The following XCR1 variants were observed in gnomAD, a reference collection of about 807,000 sequenced individuals.
XCR1 encodes X-C motif chemokine receptor 1.
For missense variants in XCR1, 356 were observed against 424.2 expected, an observed-to-expected ratio of 0.84 and a Z score of 1.41; for synonymous variants, 187 against 188.5, an observed-to-expected ratio of 0.99 and a Z score of 0.06.
intron 1 of XCR1, among the ~76,000 whole-genome samples, chr3:46,082,408 TAC>T (rs34278810): frequency 0.012 from 1,813 of 146,016 alleles, 18 homozygotes; most frequent in African/African-American, 0.018. Flanking sequence ...TATACATGCA[TAC>T]ACACACACAC....
intron 5 of XCR1, among the ~76,000 whole-genome samples, chr3:46,037,010 G>T (rs1697442420): frequency 6.6e-6 from 1 of 152,148 alleles, no homozygotes; most frequent in Admixed American, 6.5e-5. Context: ...CTTATTGGAT[G>T]CCTGAGTCAT....
rs1022618564 is a variant in XCR1 at position 46,038,298 on chromosome 3, A to C, written c.-32+15622T>G. Among the ~76,000 whole-genome samples, 5 of 152,236 alleles carry C rather than the reference A, an allele frequency of 3.3e-5. No homozygotes were observed. The South Asian group carries it at 1.0e-3, about 32-fold the overall frequency. On this transcript the variant is annotated intron_variant, in intron 5 of 5. Transcript: ENST00000683768. ...CTCCCAAAGTGCTGGGATTACAGGC[A>C]TGAACCACCGTGCCTGGCCGTGTGT...
In XCR1 at chr3:46,023,552, C is replaced by G. The variant is rs1708213991; in HGVS notation, c.-31-1574G>C. 3.3e-6 allele frequency: 5 copies of G among 1,518,890 alleles called. No individual in the cohort carries two copies. In the African/African-American group the frequency reaches 5.5e-5, roughly 17 times the overall value. The allele number at this position is 1,518,890 out of a possible 1,614,324, so 94.1% of individuals were successfully genotyped here. A position where few individuals can be genotyped will look rare whatever the true frequency, so the allele number is the denominator to read the frequency against. ...GCCCAGCGTGAGGAAAGATTGAAAG[C>G]CTAGCAGAACACAGACAAGGATGTA... On this transcript the variant is annotated intron_variant, in intron 1 of 1. Transcript: ENST00000309285.
intron 5 of XCR1, among the ~76,000 whole-genome samples, chr3:46,037,929 T>A (rs1202564416): frequency 6.6e-6 from 1 of 152,146 alleles, no homozygotes; most frequent in Non-Finnish European, 1.5e-5. Context: ...CCTAGATGAA[T>A]TTCTTAATTT....
chr3:46,084,958 A>AT (rs148155180), intron 1 of XCR1, among the ~76,000 whole-genome samples: 4,736 of 151,322 alleles, frequency 0.031, 252 homozygotes, highest in African/African-American at 0.11. Flanking sequence ...TAAAAGTTGG[A>AT]TTTTTTTTTT....
intron 1 of XCR1, among the ~76,000 whole-genome samples, chr3:46,079,206 C>T (rs2125904314): frequency 6.6e-6 from 1 of 152,260 alleles, no homozygotes; most frequent in East Asian, 1.9e-4. Context: ...GTTTTATGTA[C>T]AACACTTATG....
At chr3:46,039,591 G>A (rs1413545093) in intron 5 of XCR1, among the ~76,000 whole-genome samples, 1 of 152,154 alleles carries the variant, frequency 6.6e-6, no homozygotes, top group Admixed American at 6.5e-5. Context: ...TGACTCCTGA[G>A]TCTGAAAAAG....
At chr3:46,074,761 G>A (rs561470535) in intron 2 of XCR1, among the ~76,000 whole-genome samples, 490 of 152,240 alleles carry the variant, frequency 3.2e-3, no homozygotes, top group Middle Eastern at 0.01. Flanking sequence ...ACTGTTTCAG[G>A]GGTGGCAAAG....
intron 5 of XCR1, among the ~76,000 whole-genome samples, chr3:46,041,935 A>G (rs751601897): frequency 1.3e-5 from 2 of 152,138 alleles, no homozygotes; most frequent in African/African-American, 4.8e-5. Flanking sequence ...TGGATTTGAG[A>G]CTGAGCTCCC....
At chr3:46,050,464 T>C (rs895390584) in intron 5 of XCR1, among the ~76,000 whole-genome samples, 7 of 152,222 alleles carry the variant, frequency 4.6e-5, no homozygotes, top group African/African-American at 1.7e-4. Flanking sequence ...GTTTGCACTT[T>C]CTCTGGAGCA....
intron 5 of XCR1, among the ~76,000 whole-genome samples, chr3:46,052,500 C>T (rs553340573): frequency 1.2e-4 from 19 of 152,308 alleles, no homozygotes; most frequent in African/African-American, 4.1e-4. Flanking sequence ...TTGTAAGATC[C>T]TTTCTGTCCT....
At chr3:46,037,975 C>A (rs1395705153) in intron 5 of XCR1, among the ~76,000 whole-genome samples, 2 of 151,222 alleles carry the variant, frequency 1.3e-5, no homozygotes, top group Non-Finnish European at 2.9e-5. Context: ...GACTTGAAGA[C>A]GTTAATCTGT....
At chr3:46,063,514 A>G (rs1185968906) in intron 4 of XCR1, among the ~76,000 whole-genome samples, 3 of 152,212 alleles carry the variant, frequency 2.0e-5, no homozygotes, top group Non-Finnish European at 2.9e-5. Flanking sequence ...ACTGTCGCCA[A>G]CCAGGAGAAA....
At chr3:46,033,195 C>A (rs956487591) in intron 5 of XCR1, among the ~76,000 whole-genome samples, 4 of 151,876 alleles carry the variant, frequency 2.6e-5, no homozygotes, top group Admixed American at 6.5e-5. Context: ...GTTTGGGGTC[C>A]TACCTAGGTA....
intron 4 of XCR1, among the ~76,000 whole-genome samples, chr3:46,054,775 TA>T (rs921463160): frequency 6.6e-6 from 1 of 151,884 alleles, no homozygotes; most frequent in Non-Finnish European, 1.5e-5. Context: ...TAACAATGTG[TA>T]AAAAAACAGG....
At chr3:46,034,760 T>G (rs976165366) in intron 5 of XCR1, among the ~76,000 whole-genome samples, 1 of 152,166 alleles carries the variant, frequency 6.6e-6, no homozygotes, top group Middle Eastern at 3.4e-3. Flanking sequence ...CATAGAGAGC[T>G]TTTTTGATGA....
At chr3:46,082,516 G>C in intron 1 of XCR1, among the ~76,000 whole-genome samples, 1 of 136,964 alleles carries the variant, frequency 7.3e-6, no homozygotes, top group Non-Finnish European at 1.5e-5. Context: ...TTAGAGATGG[G>C]GTTTTGCTCT....
At chr3:46,042,528 G>A (rs1310399207) in intron 5 of XCR1, among the ~76,000 whole-genome samples, 1 of 152,138 alleles carries the variant, frequency 6.6e-6, no homozygotes, top group Non-Finnish European at 1.5e-5. Flanking sequence ...AAAAGATTAT[G>A]AGAGAATATG....
intron 5 of XCR1, among the ~76,000 whole-genome samples, chr3:46,052,863 C>T (rs1697774377): frequency 1.3e-5 from 2 of 152,324 alleles, no homozygotes; most frequent in Middle Eastern, 3.4e-3. Flanking sequence ...TCTTGCGACC[C>T]TTGCGTGATA....
Sources: allele counts gnomAD v4.1 joint callset (sites outside exome capture counted in the v4.1 genomes callset), GRCh38; gene constraint gnomAD v4.1.1; transcripts MANE v1.5; gene names NCBI Gene and HGNC (gene_info 2026-07-23, HGNC 2026-07-21).